NEK9: variants seen among roughly 807,000 people sequenced by gnomAD.
NEK9 encodes the protein serine/threonine-protein kinase Nek9.
NEK9 carries 75 observed loss-of-function variants against 123.4 expected under a neutral mutation model. The ratio of observed to expected loss-of-function variants is 0.61; its 90% confidence interval spans 0.50 to 0.74. The LOEUF is 0.74. Among genes scored for constraint, NEK9 ranks in the 30% least tolerant of loss-of-function variants. NEK9 has a pLI of 0.00. For synonymous variants in NEK9, 438 were observed against 458.7 expected, an observed-to-expected ratio of 0.95 and a Z score of 0.58; for missense variants, 952 against 1,214.4, an observed-to-expected ratio of 0.78 and a Z score of 3.21.
chr14:75,086,886 C>T, intron 21 of NEK9, 132 bp downstream of exon 21: 1 of 912,376 alleles, frequency 1.1e-6, no homozygotes. Flanking sequence ...GGCCTGGCAA[C>T]AGAGCGAGAC....
At chr14:75,109,571 C>T (rs1306669408) in intron 10 of NEK9, 114 bp downstream of exon 10, 6 of 902,738 alleles carry the variant, frequency 6.6e-6, no homozygotes, top group Admixed American at 2.6e-5. Flanking sequence ...CATTCCATCA[C>T]CCCATGTTGC....
At chr14:75,092,365 C>T (rs537371145) in intron 18 of NEK9, among the ~76,000 whole-genome samples, 1 of 152,012 alleles carries the variant, frequency 6.6e-6, no homozygotes, top group East Asian at 1.9e-4. Context: ...CTCCTGGCTT[C>T]AAGTGATTCT....
chr14:75,114,226 T>G lies in NEK9; in HGVS notation c.850A>C (p.Met284Leu). 1.2e-6 allele frequency: 2 copies of G among 1,613,822 alleles called. No homozygotes were observed. The highest frequency in any genetic ancestry group is 1.7e-6 in the Non-Finnish European group (2 of 1,179,704). ...ACCTGGTCAAGGCACGAATGAACCA[T>G]TTGGATCAATTCCAAAGAGTACTGG... The part of the protein sequence containing the change: ...SSQYSLELIQ[M>L]VHSCLDQDPE... The change falls in exon 7 of 22, where the codon ATG (methionine) becomes CTG (leucine). Residue 284 changes from methionine (M) to leucine (L), a missense_variant. Physicochemically the swap from Met to Leu is conservative, Grantham distance 15. This residue lies in a region of NEK9 where 698 missense variants were observed against 875.6 expected (regional missense o/e 0.80). Transcript: ENST00000238616.
rs779121816 is a variant in NEK9 at position 75,121,191 on chromosome 14, C to T, written c.398-17G>A. On this transcript the variant is annotated splice_polypyrimidine_tract_variant and intron_variant, in intron 2 of 21. Transcript: ENST00000238616. The stretch of plus-strand genomic sequence containing the variant: ...GGTTCCCTCCTGCAATTAAACAAGA[C>T]ACAGATTTGAATTGCTTAATACAGA... 1 of 1,608,466 alleles carries T rather than the reference C, an allele frequency of 6.2e-7. No individual in the cohort carries two copies. The highest frequency in any genetic ancestry group is 1.1e-5 in the South Asian group (1 of 90,948).
At chr14:75,101,345 C>T (rs558939174) in intron 15 of NEK9, among the ~76,000 whole-genome samples, 192 bp from the exon 16 acceptor site, 118 of 152,164 alleles carry the variant, frequency 7.8e-4, no homozygotes, top group African/African-American at 2.7e-3. Flanking sequence ...GTCAGCGACT[C>T]GATATTGTAT....
chr14:75,117,797 C>T (rs765845158), intron 5 of NEK9, among the ~76,000 whole-genome samples: 5 of 152,214 alleles, frequency 3.3e-5, no homozygotes, highest in Middle Eastern at 3.2e-3. Flanking sequence ...TATACTAACA[C>T]AGCTAGCGAA....
rs1893854261 is a variant in NEK9, at chr14:75,080,960, T to C, written c.*3604A>G. 6.7e-6 allele frequency: 1 copy of C among 148,936 alleles called. No individual in the cohort carries two copies. Among genetic ancestry groups the C allele is most frequent in the Admixed American group, 6.7e-5 (1 of 14,868 alleles). 9.2% of individuals were successfully genotyped at this position (148,936 alleles called of 1,614,324 possible). A position where few individuals can be genotyped will look rare whatever the true frequency, so the allele number is the denominator to read the frequency against. On this transcript the variant is annotated 3_prime_UTR_variant, in exon 22 of 22. Coordinates refer to ENST00000238616, the MANE Select transcript of NEK9 (RefSeq NM_033116.6). ...CAAGACAGTATTTTTTTTTTTATTTTTGAGATGGAGTCTCACTCTGTCGCC... is the reference window on the plus strand; with the variant it reads ...CAAGACAGTATTTTTTTTTTTATTTCTGAGATGGAGTCTCACTCTGTCGCC...
intron 19 of NEK9, among the ~76,000 whole-genome samples, chr14:75,091,001 G>C (rs1056877020): frequency 2.0e-5 from 3 of 152,120 alleles, no homozygotes; most frequent in African/African-American, 7.2e-5. Flanking sequence ...TTATATACAT[G>C]TACTACAAAA....
At chr14:75,096,276 C>CA (rs57130386) in intron 17 of NEK9, among the ~76,000 whole-genome samples, 14 of 79,722 alleles carry the variant, frequency 1.8e-4, no homozygotes, top group African/African-American at 6.3e-4. Flanking sequence ...GACTTCGTCT[C>CA]AAAAAAAAAA....
rs772871560 is a variant in NEK9 at position 75,106,680 on chromosome 14, G to A, written c.1350C>T (p.Phe450=). 11 of 1,613,580 alleles carry A rather than the reference G, an allele frequency of 6.8e-6. No individual in the cohort carries two copies. Among genetic ancestry groups the A allele is most frequent in the Middle Eastern group, 1.6e-4 (1 of 6,084 alleles). ...CVTDEGQLYA[F]GSDYYGCMGV... The stretch of plus-strand genomic sequence containing the variant: ...CCATGCAGCCATAATAATCTGATCC[G>A]AAGGCATAGAGCTGACCCTCATCTG... Residue 450 remains phenylalanine (F), a synonymous_variant, in exon 12 of 22, where the codon TTC becomes TTT. Coordinates refer to ENST00000238616, the MANE Select transcript of NEK9 (RefSeq NM_033116.6).
chr14:75,094,269 C>T (rs1008896304), intron 18 of NEK9, among the ~76,000 whole-genome samples: 8 of 152,034 alleles, frequency 5.3e-5, no homozygotes, highest in Admixed American at 2.0e-4. Context: ...TTTGATTGAC[C>T]GATTGTTTAT....
At chr14:75,100,941 T>A (rs1374978775) in intron 16 of NEK9, 51 bp downstream of exon 16, 4 of 1,562,248 alleles carry the variant, frequency 2.6e-6, no homozygotes, top group Non-Finnish European at 3.5e-6. Flanking sequence ...AGCCAAGAAC[T>A]GAAACACAGC....
chr14:75,118,996 G>A (rs1895233843), intron 4 of NEK9, 61 bp from the exon 5 acceptor site: 8 of 932,710 alleles, frequency 8.6e-6, no homozygotes, highest in South Asian at 5.3e-5. Flanking sequence ...TTCATCCCCC[G>A]CCTTGCCCAG....
chr14:75,090,771 C>T (rs1004328447), intron 19 of NEK9, among the ~76,000 whole-genome samples: 2 of 152,114 alleles, frequency 1.3e-5, no homozygotes, highest in Non-Finnish European at 2.9e-5. Flanking sequence ...CAAGGTCTTG[C>T]TGTGTTGCCC....
Position 75,110,333 on chromosome 14 carries a change from G to A in NEK9, c.977C>T (p.Thr326Ile). 1 of 1,612,876 alleles carries A rather than the reference G, an allele frequency of 6.2e-7. No individual in the cohort carries two copies. Among genetic ancestry groups the A allele is most frequent in the Non-Finnish European group, 8.5e-7 (1 of 1,178,988 alleles). The stretch of plus-strand genomic sequence containing the variant: ...TCTTGAACATTACCTTGGTCTCTTT[G>A]TAGGTGCATTAAGCAGAGTGACTTT... ...EEKVTLLNAPTKRPRSSTVTE... is the reference protein window; with the variant it reads ...EEKVTLLNAPIKRPRSSTVTE... Residue 326 changes from threonine to isoleucine, a missense_variant, in exon 9 of 22, where the codon ACA becomes ATA. By Grantham distance (89) the Thr-to-Ile change is moderately conservative. Transcript: ENST00000238616.
At chr14:75,095,963 G>A (rs966706515) in intron 17 of NEK9, among the ~76,000 whole-genome samples, 1 of 152,188 alleles carries the variant, frequency 6.6e-6, no homozygotes, top group African/African-American at 2.4e-5. Flanking sequence ...TAATTGGTCA[G>A]GGATAGGGTC....
At chr14:75,093,762 C>T (rs1297875815) in intron 18 of NEK9, among the ~76,000 whole-genome samples, 2 of 152,142 alleles carry the variant, frequency 1.3e-5, no homozygotes, top group Non-Finnish European at 2.9e-5. Context: ...GCCTATTTTA[C>T]TTGTTTCTAA....
Position 75,089,605 on chromosome 14 carries a change from G to A in NEK9, c.2443-964C>T, listed in dbSNP as rs141291507. On this transcript the variant is annotated intron_variant, in intron 19 of 21. Transcript: ENST00000238616. Reference sequence around the variant, plus strand: ...GGCTGGACTGCAGTGGTGCGATCTCGGCTCACTGCAACCTTCGCCTCCTGG... The same window carrying A: ...GGCTGGACTGCAGTGGTGCGATCTCAGCTCACTGCAACCTTCGCCTCCTGG... Among the ~76,000 whole-genome samples the A allele has an allele frequency of 2.0e-3, 311 of 152,106 alleles. 1 individual carries two copies. Among genetic ancestry groups the A allele is most frequent in the African/African-American group, 7.1e-3 (293 of 41,494 alleles).
In NEK9 at chr14:75,103,193, T is replaced by TA. The variant is rs565837587; in HGVS notation, c.1731+648dup. Among the ~76,000 whole-genome samples, 588 of 112,966 alleles carry TA rather than the reference T, an allele frequency of 5.2e-3. 1 individual carries two copies. Among genetic ancestry groups the TA allele is most frequent in the African/African-American group, 0.012 (351 of 30,396 alleles). 74.1% of individuals were successfully genotyped at this position (112,966 alleles called of 152,430 possible). A position where few individuals can be genotyped will look rare whatever the true frequency, so the allele number is the denominator to read the frequency against. On this transcript the variant is annotated intron_variant, in intron 14 of 21. Coordinates refer to ENST00000238616, the MANE Select transcript of NEK9 (RefSeq NM_033116.6). ...TGTACCCTAGAACTTAAAAGTATAATAAAAAAAAAAAAAAGGAAACTAAGA... is the reference window on the plus strand; with the variant it reads ...TGTACCCTAGAACTTAAAAGTATAATAAAAAAAAAAAAAAAGGAAACTAAGA...
Sources: gnomAD v4.1 joint callset for allele counts (sites outside exome capture counted in the v4.1 genomes callset) on GRCh38, gnomAD v4.1.1 for gene constraint, gnomAD v4.1.1 regional missense constraint, MANE v1.5 for transcripts, NCBI Gene and HGNC (gene_info 2026-07-23, HGNC 2026-07-21) for gene names.